Variants in LOC114841035 observed in about 807,000 individuals in gnomAD.
the LOC114841035 span, chr11:64,242,421 C>G: frequency 6.4e-7 from 1 of 1,556,018 alleles, no homozygotes; most frequent in Non-Finnish European, 8.7e-7. Context: ...CCTGACAGTA[C>G]TGTCCATCTG....
chr11:64,244,088 AAAAAC>A, the LOC114841035 span: 1 of 1,555,218 alleles, frequency 6.4e-7, no homozygotes, highest in Non-Finnish European at 8.8e-7. Context: ...GTTCCAAAAA[AAAAAC>A]AAAAAACAAA....
the LOC114841035 span, chr11:64,243,504 G>A: frequency 1.2e-6 from 2 of 1,613,550 alleles, no homozygotes; most frequent in Non-Finnish European, 1.7e-6. Flanking sequence ...CTAGGTAAGA[G>A]GCCCCTCCTG....
At chr11:64,243,129 G>C in the LOC114841035 span, 1 of 1,420,232 alleles carries the variant, frequency 7.0e-7, no homozygotes, top group African/African-American at 1.4e-5. Context: ...GCTTGATGGG[G>C]AAAGCAGCTG....
At chr11:64,242,305 C>G in the LOC114841035 span, 1 of 1,351,646 alleles carries the variant, frequency 7.4e-7, no homozygotes, top group South Asian at 1.6e-5. Flanking sequence ...CGGTGGAACC[C>G]TCCTGTTACC....
At chr11:64,243,670 A>G in the LOC114841035 span, 1 of 1,150,132 alleles carries the variant, frequency 8.7e-7, no homozygotes, top group East Asian at 2.4e-5. Flanking sequence ...TGAAGCACTC[A>G]GCTGTAGTGG....
chr11:64,244,024 C>CTG, the LOC114841035 span: 1 of 1,613,908 alleles, frequency 6.2e-7, no homozygotes, highest in East Asian at 2.2e-5. Flanking sequence ...ACGAACTGAG[C>CTG]TGTAACCAGA....
chr11:64,242,100 G>A, the LOC114841035 span: 2 of 357,632 alleles, frequency 5.6e-6, no homozygotes, highest in South Asian at 9.4e-5. Flanking sequence ...GGGACTGGGA[G>A]GGAGGGAAGG....
At chr11:64,243,425 T>C in the LOC114841035 span, 6 of 1,613,762 alleles carry the variant, frequency 3.7e-6, no homozygotes, top group East Asian at 2.2e-5. Flanking sequence ...GGTGCTGCCA[T>C]GGGCTGAGCA....
At chr11:64,242,119 T>G in the LOC114841035 span, 7 of 401,466 alleles carry the variant, frequency 1.7e-5, no homozygotes, top group South Asian at 1.2e-4. Flanking sequence ...GGTATGGGGG[T>G]GAGCAAAGGG....
chr11:64,243,144 A>C, the LOC114841035 span: 1 of 1,488,254 alleles, frequency 6.7e-7, no homozygotes, highest in East Asian at 2.3e-5. Context: ...CAGCTGAGGG[A>C]GGGGGTGTCA....
chr11:64,243,250 C>T, the LOC114841035 span: 20 of 1,613,234 alleles, frequency 1.2e-5, no homozygotes, highest in Non-Finnish European at 1.7e-5. Flanking sequence ...CCAGAACCAG[C>T]CCTTTGTCTT....
At chr11:64,242,141 G>A in the LOC114841035 span, 1 of 448,036 alleles carries the variant, frequency 2.2e-6, no homozygotes, top group Non-Finnish European at 4.0e-6. Context: ...CGGGTCCCTG[G>A]CTGCTGTGGC....
the LOC114841035 span, chr11:64,243,697 C>A: frequency 7.9e-7 from 1 of 1,273,296 alleles, no homozygotes; most frequent in Admixed American, 1.8e-5. Flanking sequence ...TCTGCCCTTG[C>A]CAGGCCTTTG....
chr11:64,243,149 G>A, the LOC114841035 span: 2 of 1,522,206 alleles, frequency 1.3e-6, no homozygotes, highest in East Asian at 2.3e-5. Context: ...GAGGGAGGGG[G>A]TGTCAGGGGT....
the LOC114841035 span, chr11:64,243,655 A>C: frequency 1.7e-6 from 2 of 1,170,242 alleles, no homozygotes; most frequent in African/African-American, 1.5e-5. Context: ...ACAGGGCAAG[A>C]TCATTGAAGC....
chr11:64,243,541 T>A, the LOC114841035 span: 2 of 1,608,414 alleles, frequency 1.2e-6, no homozygotes, highest in East Asian at 4.5e-5. Context: ...TTGGGGTGTG[T>A]GACTGGGAAG....
the LOC114841035 span, chr11:64,243,132 AG>A: frequency 2.1e-6 from 3 of 1,437,046 alleles, no homozygotes; most frequent in Non-Finnish European, 2.9e-6. Flanking sequence ...TGATGGGGAA[AG>A]CAGCTGAGGG....
chr11:64,241,563 AG>A, the LOC114841035 span: 1 of 152,674 alleles, frequency 6.5e-6, no homozygotes, highest in Non-Finnish European at 1.5e-5. Flanking sequence ...GCTCCGGAAA[AG>A]GGGTCTAGTT....
the LOC114841035 span, chr11:64,242,607 C>G: frequency 6.6e-7 from 1 of 1,511,418 alleles, no homozygotes; most frequent in Non-Finnish European, 8.8e-7. Flanking sequence ...CTTCCGAGGA[C>G]CAGAGAGTGC....
Sources: gnomAD v4.1 joint callset for allele counts on GRCh38, gnomAD v4.1.1 for gene constraint, MANE v1.5 for transcripts.